VEPH1: variants seen among roughly 807,000 people sequenced by gnomAD.
The protein encoded by VEPH1 is ventricular zone-expressed PH domain-containing protein homolog 1.
A neutral mutation model predicts 85.2 loss-of-function variants in VEPH1; 80 were observed. The observed-to-expected ratio is 0.94, with a 90% CI of 0.78 to 1.13. The LOEUF (loss-of-function observed/expected upper bound fraction) is 1.13, where lower values mean the gene tolerates loss of function less well. VEPH1 is among the 50% of genes most tolerant of loss of function. The pLI is 0.00. For synonymous variants in VEPH1, 297 were observed against 348.0 expected (o/e 0.85, Z 1.63); for missense variants, 955 against 980.5 (o/e 0.97, Z 0.35).
At chr3:157,420,000 G>T (rs1732206501) in intron 5 of VEPH1, among the ~76,000 whole-genome samples, 1 of 152,066 alleles carries the variant, frequency 6.6e-6, no homozygotes, top group Non-Finnish European at 1.5e-5. Flanking sequence ...TCATAAAAAG[G>T]AACAAGATCA....
Position 157,317,206 on chromosome 3 carries a change from A to C in VEPH1, c.1736-5T>G, listed in dbSNP as rs1453681371. 10 of 1,609,640 alleles carry C rather than the reference A, an allele frequency of 6.2e-6. No homozygotes were observed. Among genetic ancestry groups the C allele is most frequent in the South Asian group, 1.1e-5 (1 of 90,110 alleles). ...CTACACAACTTCTCACAGTGTCTAGAAACAAATACATATAGCGTTAAACGT... is the reference window on the plus strand; with the variant it reads ...CTACACAACTTCTCACAGTGTCTAGCAACAAATACATATAGCGTTAAACGT... On this transcript the variant is annotated splice_region_variant and splice_polypyrimidine_tract_variant and intron_variant, in intron 9 of 13. Transcript: ENST00000362010.
chr3:157,490,939 C>CA (rs1739163593), intron 2 of VEPH1, among the ~76,000 whole-genome samples: 2 of 152,050 alleles, frequency 1.3e-5, no homozygotes, highest in South Asian at 4.1e-4. Context: ...TCTGCCTCAG[C>CA]AAAAATAAAT....
chr3:157,477,483 A>AT (rs1477010421), intron 2 of VEPH1, among the ~76,000 whole-genome samples: 2 of 152,072 alleles, frequency 1.3e-5, no homozygotes, highest in African/African-American at 2.4e-5. Flanking sequence ...GGATGAGGAC[A>AT]TTTTTTGTGG....
intron 7 of VEPH1, among the ~76,000 whole-genome samples, chr3:157,368,969 C>A (rs1285048453): frequency 2.6e-5 from 4 of 151,556 alleles, no homozygotes; most frequent in Admixed American, 2.0e-4. Flanking sequence ...TGGGATAAAT[C>A]CCTGCTGCAC....
At chr3:157,340,070 C>G (rs1039781908) in intron 9 of VEPH1, among the ~76,000 whole-genome samples, 1 of 152,186 alleles carries the variant, frequency 6.6e-6, no homozygotes, top group African/African-American at 2.4e-5. Flanking sequence ...ATAGGAACAG[C>G]TCCAGTCTAC....
At chr3:157,446,121 T>C (rs575566819) in intron 4 of VEPH1, among the ~76,000 whole-genome samples, 1 of 152,212 alleles carries the variant, frequency 6.6e-6, no homozygotes, top group South Asian at 2.1e-4. Flanking sequence ...CATAGTAAAG[T>C]AATTGTGCAA....
intron 6 of VEPH1, among the ~76,000 whole-genome samples, chr3:157,387,223 A>G (rs1361376043): frequency 6.6e-6 from 1 of 152,126 alleles, no homozygotes; most frequent in Non-Finnish European, 1.5e-5. Context: ...CTACTACTCC[A>G]GTTTCATAAA....
At chr3:157,481,648 T>C (rs899373209) in intron 2 of VEPH1, among the ~76,000 whole-genome samples, 3 of 152,084 alleles carry the variant, frequency 2.0e-5, no homozygotes, top group African/African-American at 7.2e-5. Flanking sequence ...GTTGCAATTG[T>C]GGTTGAGGAC....
chr3:157,285,605 G>T (rs1232813156), intron 12 of VEPH1, among the ~76,000 whole-genome samples: 2 of 152,216 alleles, frequency 1.3e-5, no homozygotes, highest in Admixed American at 1.3e-4. Flanking sequence ...CACTGCTCTT[G>T]TGATCCTAAA....
chr3:157,462,885 G>A (rs16827677), intron 3 of VEPH1, among the ~76,000 whole-genome samples: 5,804 of 152,210 alleles, frequency 0.038, 369 homozygotes, highest in African/African-American at 0.13. Context: ...GTTCAAGGAA[G>A]GACACGTTAC....
intron 11 of VEPH1, among the ~76,000 whole-genome samples, chr3:157,299,470 G>C (rs980140690): frequency 9.3e-5 from 14 of 150,706 alleles, no homozygotes; most frequent in Non-Finnish European, 1.9e-4. Context: ...TGAGGTAAGA[G>C]GATTGATTGA....
intron 2 of VEPH1, among the ~76,000 whole-genome samples, chr3:157,483,133 C>T (rs1738285614): frequency 6.6e-6 from 1 of 151,152 alleles, no homozygotes. Context: ...TACACACACA[C>T]ACACACACAC....
At chr3:157,373,695 C>T (rs2108824410) in intron 7 of VEPH1, among the ~76,000 whole-genome samples, 1 of 152,254 alleles carries the variant, frequency 6.6e-6, no homozygotes, top group South Asian at 2.1e-4. Context: ...TTCCTCATTC[C>T]CTAGGCTAGA....
intron 9 of VEPH1, 60 bp from the exon 10 acceptor site, chr3:157,317,261 T>G: frequency 6.9e-7 from 1 of 1,455,766 alleles, no homozygotes; most frequent in Non-Finnish European, 9.1e-7. Flanking sequence ...CACTTTATAT[T>G]GATACTTCAA....
intron 2 of VEPH1, among the ~76,000 whole-genome samples, chr3:157,491,832 T>A (rs1459141820): frequency 1.3e-5 from 2 of 152,228 alleles, no homozygotes; most frequent in Admixed American, 1.3e-4. Flanking sequence ...TCAACCTGAA[T>A]GCCTTAGCAC....
At chr3:157,276,112 C>T (rs1230760898) in intron 12 of VEPH1, among the ~76,000 whole-genome samples, 1 of 152,186 alleles carries the variant, frequency 6.6e-6, no homozygotes, top group African/African-American at 2.4e-5. Context: ...GACTTTGTAA[C>T]ATCCTACACA....
chr3:157,370,450 G>A (rs894599696), intron 7 of VEPH1, among the ~76,000 whole-genome samples: 5 of 152,164 alleles, frequency 3.3e-5, no homozygotes, highest in Non-Finnish European at 5.9e-5. Flanking sequence ...AATCCACATT[G>A]GAGTCCTGAA....
chr3:157,384,900 T>C (rs1036885705), intron 6 of VEPH1, among the ~76,000 whole-genome samples: 1 of 152,216 alleles, frequency 6.6e-6, no homozygotes, highest in South Asian at 2.1e-4. Flanking sequence ...AGTCACCCCA[T>C]TGAGGGGTAG....
chr3:157,369,192 A>AAAAAAAAAAAAAAAAAAAAAAAAAC (rs1553773117), intron 7 of VEPH1, among the ~76,000 whole-genome samples: 6 of 142,782 alleles, frequency 4.2e-5, no homozygotes, highest in East Asian at 2.1e-4. Flanking sequence ...AAAAAAAAAA[A>AAAAAAAAAAAAAAAAAAAAAAAAAC]AAAAAAAAAA....
Sources: allele counts gnomAD v4.1 joint callset (sites outside exome capture counted in the v4.1 genomes callset), GRCh38; gene constraint gnomAD v4.1.1; transcripts MANE v1.5; gene names NCBI Gene and HGNC (gene_info 2026-07-23, HGNC 2026-07-21).